PCDHA3: variants seen among roughly 807,000 people sequenced by gnomAD.
PCDHA3 encodes the protein protocadherin alpha 3, also known as protocadherin alpha-3.
A neutral mutation model predicts 62.2 loss-of-function variants in PCDHA3; 41 were observed. The observed-to-expected ratio is 0.66, with a 90% confidence interval of 0.51 to 0.86. The LOEUF is 0.86. Ranked by LOEUF, PCDHA3 falls within the 40% of genes least tolerant of loss-of-function variation. The probability of loss-of-function intolerance (pLI) is 0.00; values close to 1 mark genes in which losing one functional copy is unlikely to be tolerated. For synonymous variants in PCDHA3, 640 were observed against 555.4 expected, an observed-to-expected ratio of 1.15 and a Z score of -2.14; for missense variants, 1,304 against 1,241.2, an observed-to-expected ratio of 1.05 and a Z score of -0.76.
rs782073984 is a variant in PCDHA3, at chr5:140,808,236, T to C, written c.2394+4645T>C. 3 of 1,614,250 alleles carry C rather than the reference T, an allele frequency of 1.9e-6. No homozygotes were observed. The South Asian group carries it at 3.3e-5, about 18-fold the overall frequency. ...GACAACAACGATAATGTCCCAGATTTGGAATTCAAGTCTTTATCACTTCCA... is the reference window on the plus strand; with the variant it reads ...GACAACAACGATAATGTCCCAGATTCGGAATTCAAGTCTTTATCACTTCCA... On this transcript the variant is annotated intron_variant, in intron 1 of 3. Transcript: ENST00000522353.
intron 1 of PCDHA3, chr5:140,834,324 A>G: frequency 6.9e-7 from 1 of 1,445,086 alleles, no homozygotes; most frequent in Non-Finnish European, 9.4e-7. Context: ...AGGGATAAAA[A>G]CATTCCTATA....
At position 140,872,081 on chromosome 5, in the gene PCDHA3, C is replaced by A. The variant is rs559710022; in HGVS notation, c.2394+68490C>A. ...TCCAGAGTAGCTGGGAATGCAGTGC[C>A]ACTGCACTTAGTCCATTGGCTTTCC... On this transcript the variant is annotated intron_variant, in intron 1 of 3. Transcript: ENST00000522353. Among the ~76,000 whole-genome samples the A allele has an allele frequency of 2.6e-5, 4 of 152,212 alleles. No individual in the cohort carries two copies. In the South Asian group the frequency reaches 8.3e-4, roughly 32 times the overall value.
chr5:140,837,715 C>T (rs894661038), intron 1 of PCDHA3, among the ~76,000 whole-genome samples: 4 of 151,402 alleles, frequency 2.6e-5, no homozygotes, highest in Admixed American at 1.3e-4. Context: ...ACTCCATCAC[C>T]CAGGCTGCTG....
At chr5:140,822,284 G>C (rs2150115215) in intron 1 of PCDHA3, 4 of 1,614,234 alleles carry the variant, frequency 2.5e-6, no homozygotes, top group Non-Finnish European at 3.4e-6. Flanking sequence ...TTGAGATACA[G>C]GTTAAATCCA....
chr5:140,967,997 C>T (rs551685820), intron 1 of PCDHA3: 1 of 1,614,102 alleles, frequency 6.2e-7, no homozygotes, highest in Non-Finnish European at 8.5e-7. Flanking sequence ...ACTGCCTTTC[C>T]GACTGAATGG....
At chr5:140,842,434 A>C (rs2150336134) in intron 1 of PCDHA3, 2 of 1,613,586 alleles carry the variant, frequency 1.2e-6, no homozygotes, top group Non-Finnish European at 8.5e-7. Flanking sequence ...TCATCGCCCT[A>C]ATTAGCGTGA....
intron 1 of PCDHA3, among the ~76,000 whole-genome samples, chr5:140,820,396 G>T (rs1212985248): frequency 6.6e-6 from 1 of 151,826 alleles, no homozygotes. Flanking sequence ...TTCTTATCAA[G>T]CTATATTTTA....
At chr5:140,954,889 G>C (rs2095106564) in intron 1 of PCDHA3, among the ~76,000 whole-genome samples, 1 of 152,070 alleles carries the variant, frequency 6.6e-6, no homozygotes, top group East Asian at 1.9e-4. Flanking sequence ...TTCTTCTAGG[G>C]TTTTTATAGT....
At chr5:140,828,423 A>G (rs2150155185) in intron 1 of PCDHA3, 29 of 1,614,154 alleles carry the variant, frequency 1.8e-5, no homozygotes. Flanking sequence ...GTGATCGTGG[A>G]CAGGCCGCTG....
chr5:140,875,497 C>T, intron 1 of PCDHA3: 1 of 1,613,256 alleles, frequency 6.2e-7, no homozygotes, highest in Non-Finnish European at 8.5e-7. Flanking sequence ...ACCAAGAGGC[C>T]CGGGATCCCA....
intron 1 of PCDHA3, chr5:140,823,643 TG>T: frequency 6.2e-7 from 1 of 1,613,838 alleles, no homozygotes; most frequent in Non-Finnish European, 8.5e-7. Context: ...CCGTTCCGCG[TG>T]GGGCTGTACA....
At chr5:140,935,894 C>CT (rs55841305) in intron 1 of PCDHA3, among the ~76,000 whole-genome samples, 11,084 of 136,696 alleles carry the variant, frequency 0.081, 520 homozygotes, top group Middle Eastern at 0.14. Context: ...TCAATATTAT[C>CT]TTTTTTTTTT....
Position 140,802,304 on chromosome 5 carries a change from C to T in PCDHA3, c.1107C>T (p.Ile369=). The T allele has an allele frequency of 1.9e-6, 3 of 1,614,232 alleles. No homozygotes were observed. The highest frequency in any genetic ancestry group is 1.7e-6 in the Non-Finnish European group (2 of 1,180,042). ...VLEDSPLSTV[I]ALISVSDRDS... ...AAGACTCTCCACTTAGCACAGTCAT[C>T]GCTCTGATCAGCGTGTCCGACCGCG... Residue 369 remains isoleucine, a synonymous_variant, in exon 1 of 4, where the codon ATC becomes ATT. Transcript: ENST00000522353.
At chr5:140,823,734 T>G (rs2150128605) in intron 1 of PCDHA3, 2 of 1,613,778 alleles carry the variant, frequency 1.2e-6, no homozygotes. Flanking sequence ...TGAAGGACCA[T>G]GGAGAGCCCC....
chr5:140,839,258 G>A (rs1776122632), intron 1 of PCDHA3, among the ~76,000 whole-genome samples: 1 of 151,954 alleles, frequency 6.6e-6, no homozygotes, highest in Non-Finnish European at 1.5e-5. Flanking sequence ...ATGCTTACAT[G>A]CATGTATATT....
rs1441365634 is a variant in PCDHA3, at chr5:140,822,733, G to T, written c.2394+19142G>T. 3 of 1,613,118 alleles carry T rather than the reference G, an allele frequency of 1.9e-6. No individual in the cohort carries two copies. In the African/African-American group the frequency reaches 4.0e-5, roughly 22 times the overall value. On this transcript the variant is annotated intron_variant, in intron 1 of 3. Coordinates refer to ENST00000522353, the MANE Select transcript of PCDHA3 (RefSeq NM_018906.3). ...CTATAACTCATATGAAATTAATATT[G>T]ATGCCATGGATAAAAGTACATTCCC... is the stretch of plus-strand genomic sequence containing the variant.
chr5:141,002,284 A>T (rs1334096097), intron 3 of PCDHA3, among the ~76,000 whole-genome samples: 1 of 152,180 alleles, frequency 6.6e-6, no homozygotes, highest in Non-Finnish European at 1.5e-5. Flanking sequence ...CAAAGGGATG[A>T]ATGGGGAGCA....
At chr5:140,810,592 A>G (rs1764690093) in intron 1 of PCDHA3, 1 of 152,102 alleles carries the variant, frequency 6.6e-6, no homozygotes, top group African/African-American at 2.4e-5. Flanking sequence ...TTTCTATTTT[A>G]TTTTGGCAAT....
chr5:140,941,304 CTTTT>C (rs2093021953), intron 1 of PCDHA3, among the ~76,000 whole-genome samples: 1 of 84,848 alleles, frequency 1.2e-5, no homozygotes, highest in African/African-American at 4.2e-5. Context: ...TTCTTTCTTT[CTTTT>C]TCTTCTTTCT....
Sources: allele counts gnomAD v4.1 joint callset (sites outside exome capture counted in the v4.1 genomes callset), GRCh38; gene constraint gnomAD v4.1.1; transcripts MANE v1.5; gene names NCBI Gene and HGNC (gene_info 2026-07-23, HGNC 2026-07-21).